The following CNTNAP3 variants were observed in gnomAD, a reference collection of about 807,000 sequenced individuals.
CNTNAP3 encodes the protein contactin associated protein family member 3.
A neutral mutation model predicts 92.1 loss-of-function variants in CNTNAP3; 36 were observed. That is an observed-to-expected ratio of 0.39 (90% confidence interval 0.30 to 0.52). CNTNAP3 has a LOEUF of 0.52. Among genes scored for constraint, CNTNAP3 ranks in the 20% least tolerant of loss-of-function variants. CNTNAP3 has a pLI of 0.76. For synonymous variants in CNTNAP3, 232 were observed against 422.3 expected, an observed-to-expected ratio of 0.55 and a Z score of 5.53; for missense variants, 534 against 1,069.6, an observed-to-expected ratio of 0.50 and a Z score of 6.98.
intron 15 of CNTNAP3, among the ~76,000 whole-genome samples, chr9:39,105,541 A>G (rs1826584179): frequency 6.6e-6 from 1 of 152,190 alleles, no homozygotes; most frequent in South Asian, 2.1e-4. Flanking sequence ...TTTGTATTCT[A>G]TTCAATGGTT....
chr9:39,081,184 T>C (rs950463019), intron 21 of CNTNAP3, among the ~76,000 whole-genome samples: 1 of 151,360 alleles, frequency 6.6e-6, no homozygotes, highest in African/African-American at 2.4e-5. Context: ...AACTCGTGAT[T>C]CTGTACTCCC....
At position 39,081,879 on chromosome 9, in the gene CNTNAP3, CCA is replaced by C. The variant is rs1484110197; in HGVS notation, c.3443-2961_3443-2960del. Among the ~76,000 whole-genome samples, 94 of 148,216 alleles carry C rather than the reference CCA, an allele frequency of 6.3e-4. 1 individual carries two copies. The highest frequency in any genetic ancestry group is 2.2e-3 in the African/African-American group (88 of 40,296). ...GGATGATGAGGTCAGGAGATCAAGA[CCA>C]TCCTGGCTAACACGGTGAAACCCCA... On this transcript the variant is annotated intron_variant, in intron 21 of 23. Coordinates refer to ENST00000297668, the MANE Select transcript of CNTNAP3 (RefSeq NM_033655.5).
chr9:39,120,603 G>A (rs1212726850), intron 13 of CNTNAP3, among the ~76,000 whole-genome samples: 4 of 152,166 alleles, frequency 2.6e-5, no homozygotes, highest in Non-Finnish European at 5.9e-5. Context: ...CCGGGAGGCG[G>A]AGCTTGCAGT....
chr9:39,067,589 G>T lies in CNTNAP3; in HGVS notation c.*6301C>A, dbSNP rs62568838. Among the ~76,000 whole-genome samples the T allele has an allele frequency of 1.7e-4, 26 of 152,166 alleles. No individual in the cohort carries two copies. Among genetic ancestry groups the T allele is most frequent in the African/African-American group, 5.5e-4 (23 of 41,516 alleles). The stretch of plus-strand genomic sequence containing the variant: ...ATTTTTGTATGTTTAGTAGAGACGG[G>T]GTTTCCACCTTGTTAGCAGGATGGT... On this transcript the variant is annotated 3_prime_UTR_variant, in exon 24 of 24. Coordinates refer to ENST00000297668, the MANE Select transcript of CNTNAP3 (RefSeq NM_033655.5).
chr9:39,116,684 T>C (rs1243025573), intron 14 of CNTNAP3, among the ~76,000 whole-genome samples: 1 of 151,956 alleles, frequency 6.6e-6, no homozygotes, highest in Admixed American at 6.6e-5. Context: ...TCAAAAAGAG[T>C]GTCTCATAAA....
In CNTNAP3 at chr9:39,107,803, C is replaced by T. The variant is rs141670433; in HGVS notation, c.2365+1357G>A. Among the ~76,000 whole-genome samples, 323 of 152,198 alleles carry T rather than the reference C, an allele frequency of 2.1e-3. 2 individuals are homozygous for T. Among genetic ancestry groups the T allele is most frequent in the African/African-American group, 7.5e-3 (313 of 41,530 alleles). ...GATGCAGAGAATCCAACAAATGAAA[C>T]AAAGTATTCAAAGCATAATAAAAAC... On this transcript the variant is annotated intron_variant, in intron 15 of 23. Transcript: ENST00000297668.
intron 18 of CNTNAP3, among the ~76,000 whole-genome samples, chr9:39,089,641 A>AT (rs930710954): frequency 1.3e-5 from 2 of 152,084 alleles, no homozygotes; most frequent in Admixed American, 6.5e-5. Context: ...GAGCTGCCAT[A>AT]TTTTTTCCAA....
chr9:39,080,665 T>C (rs923012010), intron 21 of CNTNAP3, among the ~76,000 whole-genome samples: 1 of 126,998 alleles, frequency 7.9e-6, no homozygotes, highest in Admixed American at 7.5e-5. Context: ...CAGACCTTTT[T>C]TTTTTTTTTT....
chr9:39,105,404 G>A (rs1029793314), intron 15 of CNTNAP3, among the ~76,000 whole-genome samples: 3 of 152,154 alleles, frequency 2.0e-5, no homozygotes, highest in African/African-American at 4.8e-5. Flanking sequence ...TCCAGCCTGG[G>A]TGACAGAGCA....
At chr9:39,088,155 A>C (rs372683295) in intron 19 of CNTNAP3, among the ~76,000 whole-genome samples, 29 of 152,170 alleles carry the variant, frequency 1.9e-4, no homozygotes, top group East Asian at 1.2e-3. Flanking sequence ...TGTACTATTA[A>C]AGTCATCCTA....
Position 39,105,868 on chromosome 9 carries a change from T to TCA in CNTNAP3, c.2366-1956_2366-1955dup, listed in dbSNP as rs532194367. 2.5e-5 allele frequency among the ~76,000 whole-genome samples: 3 copies of TCA among 120,562 alleles called. 1 individual carries two copies. Among genetic ancestry groups the TCA allele is most frequent in the Non-Finnish European group, 3.7e-5 (2 of 53,810 alleles). 79.1% of individuals were successfully genotyped at this position (120,562 alleles called of 152,430 possible). A position where few individuals can be genotyped will look rare whatever the true frequency, so the allele number is the denominator to read the frequency against. On this transcript the variant is annotated intron_variant, in intron 15 of 23. Transcript: ENST00000297668. The stretch of plus-strand genomic sequence containing the variant: ...GTATTTGTATCTCTCTCTCTCTCTC[T>TCA]CACACACACAGTCTCTCTCTTCTAT...
chr9:39,117,960 A>C lies in CNTNAP3; in HGVS notation c.2237+143T>G. ...AATTTAATCCTTAGATTAACTGATCATATTTCATCAAAACTTGTATTTCAG... is the reference window on the plus strand; with the variant it reads ...AATTTAATCCTTAGATTAACTGATCCTATTTCATCAAAACTTGTATTTCAG... On this transcript the variant is annotated intron_variant, in intron 14 of 23. Transcript: ENST00000297668. The C allele has an allele frequency of 2.0e-6, 3 of 1,475,172 alleles. No homozygotes were observed. The South Asian group carries it at 4.0e-5, about 20-fold the overall frequency. 91.4% of individuals were successfully genotyped at this position (1,475,172 alleles called of 1,614,324 possible).
chr9:39,075,847 ACTTG>A, intron 23 of CNTNAP3, among the ~76,000 whole-genome samples: 1 of 152,430 alleles, frequency 6.6e-6, no homozygotes, highest in African/African-American at 2.4e-5. Context: ...GCCTTAGTAA[ACTTG>A]CTTGTTTTTC....
intron 18 of CNTNAP3, among the ~76,000 whole-genome samples, chr9:39,094,101 C>T (rs1222329337): frequency 7.3e-5 from 11 of 151,322 alleles, no homozygotes; most frequent in Admixed American, 1.3e-4. Context: ...TTATACTTTT[C>T]GTTTGTATTT....
At chr9:39,097,722 T>C (rs10974137) in intron 18 of CNTNAP3, among the ~76,000 whole-genome samples, 13,227 of 143,662 alleles carry the variant, frequency 0.092, 872 homozygotes, top group Admixed American at 0.15. Context: ...CCATATAGAG[T>C]GGAGCTTCCG....
rs901466007 is a variant in CNTNAP3 at position 39,132,955 on chromosome 9, G to C, written c.2057C>G (p.Thr686Arg). The stretch of plus-strand genomic sequence containing the variant: ...ACCTCGTGAGTCCGGGCGCCGCGCC[G>C]TCCCGCAGCGCAGAGCCAGCCGCTG... ...CEQRLALRCG[T>R]ARRPDSRDGT... Residue 686 changes from threonine (T) to arginine (R), a missense_variant, in exon 13 of 24, where the codon ACG becomes AGG. Coordinates refer to ENST00000297668, the MANE Select transcript of CNTNAP3 (RefSeq NM_033655.5). The C allele has an allele frequency of 3.9e-6, 6 of 1,547,072 alleles. No homozygotes were observed. The highest frequency in any genetic ancestry group is 3.9e-5 in the Admixed American group (2 of 51,898).
At chr9:39,082,641 C>T (rs1179686055) in intron 21 of CNTNAP3, among the ~76,000 whole-genome samples, 968 of 130,442 alleles carry the variant, frequency 7.4e-3, no homozygotes, top group South Asian at 0.013. Flanking sequence ...CTTCTCAAGG[C>T]TATAATTGAA....
chr9:39,088,674 T>G (rs1041572738), intron 18 of CNTNAP3, 27 bp from the exon 19 acceptor site: 1 of 1,597,410 alleles, frequency 6.3e-7, no homozygotes, highest in Non-Finnish European at 8.5e-7. Context: ...ATTTTTGTTA[T>G]GTTAACAAAA....
At chr9:39,112,416 A>G (rs919147778) in intron 14 of CNTNAP3, among the ~76,000 whole-genome samples, 2 of 151,658 alleles carry the variant, frequency 1.3e-5, no homozygotes, top group Non-Finnish European at 2.9e-5. Context: ...CCCAGGTTGG[A>G]GTGCAATGGT....
Sources: allele counts gnomAD v4.1 joint callset (sites outside exome capture counted in the v4.1 genomes callset), GRCh38; gene constraint gnomAD v4.1.1; transcripts MANE v1.5; gene names NCBI Gene and HGNC (gene_info 2026-07-23, HGNC 2026-07-21).